LRP1B: variants seen among roughly 807,000 people sequenced by gnomAD.
LRP1B encodes the protein LDL receptor related protein 1B, also known as low-density lipoprotein receptor-related protein 1B.
A neutral mutation model predicts 556.6 loss-of-function variants in LRP1B; 217 were observed. That is an observed-to-expected ratio of 0.39 (90% CI 0.35 to 0.44). The LOEUF is 0.44. Among genes scored for constraint, LRP1B ranks in the 20% least tolerant of loss-of-function variants. LRP1B has a pLI of 1.00. For synonymous variants in LRP1B, 2,047 were observed against 1,865.8 expected (o/e 1.10, Z -2.50); for missense variants, 5,053 against 5,620.8 (o/e 0.90, Z 3.23).
intron 7 of LRP1B, among the ~76,000 whole-genome samples, chr2:141,171,586 T>C (rs1479761744): frequency 2.0e-5 from 3 of 152,070 alleles, no homozygotes; most frequent in Non-Finnish European, 4.4e-5. Flanking sequence ...GTCTTCTGGA[T>C]GAATGCTGGA....
At chr2:140,526,054 A>C in intron 48 of LRP1B, 61 bp from the exon 49 acceptor site, 6 of 1,551,004 alleles carry the variant, frequency 3.9e-6, no homozygotes, top group Non-Finnish European at 5.3e-6. Context: ...TGAGCCTTCT[A>C]TGTAGGTCAT....
intron 41 of LRP1B, among the ~76,000 whole-genome samples, chr2:140,684,402 A>G (rs1685974246): frequency 6.6e-6 from 1 of 152,222 alleles, no homozygotes; most frequent in Non-Finnish European, 1.5e-5. Context: ...AGGTACAACC[A>G]AGAGGCATTT....
intron 3 of LRP1B, among the ~76,000 whole-genome samples, chr2:141,421,400 G>A (rs1680135569): frequency 6.6e-6 from 1 of 150,716 alleles, no homozygotes; most frequent in Non-Finnish European, 1.5e-5. Context: ...GTAGTGGCGG[G>A]CGCCTGTAGT....
At chr2:141,247,472 C>CTT (rs1558958327) in intron 4 of LRP1B, 118 bp from the exon 5 acceptor site, 1 of 1,168,518 alleles carries the variant, frequency 8.6e-7, no homozygotes, top group Non-Finnish European at 1.2e-6. Flanking sequence ...AAGCCAATTC[C>CTT]AATAAGTCTT....
At chr2:140,482,878 C>G (rs1688298514) in intron 59 of LRP1B, among the ~76,000 whole-genome samples, 1 of 152,140 alleles carries the variant, frequency 6.6e-6, no homozygotes, top group Admixed American at 6.6e-5. Context: ...ATAATCAAAA[C>G]ATATGCAAGT....
chr2:140,886,857 G>A (rs1188429446), intron 23 of LRP1B, among the ~76,000 whole-genome samples: 1 of 152,040 alleles, frequency 6.6e-6, no homozygotes, highest in African/African-American at 2.4e-5. Flanking sequence ...TTCCTGCAGA[G>A]TCCAAAAAAA....
intron 2 of LRP1B, among the ~76,000 whole-genome samples, chr2:141,524,561 T>A (rs1004441291): frequency 6.6e-6 from 1 of 152,112 alleles, no homozygotes; most frequent in Non-Finnish European, 1.5e-5. Flanking sequence ...GTAAGTTTTT[T>A]TTTGTTTGTT....
intron 83 of LRP1B, among the ~76,000 whole-genome samples, chr2:140,310,847 T>C (rs1271542957): frequency 6.6e-6 from 1 of 151,638 alleles, no homozygotes; most frequent in Non-Finnish European, 1.5e-5. Flanking sequence ...AGGCAAAAAA[T>C]TTATAACTAA....
rs548794864 is a variant in LRP1B at position 141,269,037 on chromosome 2, C to T, written c.344-14396G>A. On this transcript the variant is annotated intron_variant, in intron 3 of 90. Coordinates refer to ENST00000389484, the MANE Select transcript of LRP1B (RefSeq NM_018557.3). ...CTCTAAGAAGAGTGAAGCACTGTCC[C>T]AGTCCCCAGCTCCAGAGCCATGATG... is the stretch of plus-strand genomic sequence containing the variant. 8.8e-4 allele frequency among the ~76,000 whole-genome samples: 134 copies of T among 152,282 alleles called. 1 individual carries two copies. The highest frequency in any genetic ancestry group is 3.1e-3 in the African/African-American group (128 of 41,552).
chr2:140,767,358 A>G (rs1213672531), intron 35 of LRP1B, among the ~76,000 whole-genome samples: 1 of 152,052 alleles, frequency 6.6e-6, no homozygotes, highest in Non-Finnish European at 1.5e-5. Context: ...CAAAGTTTTA[A>G]CTAAAACAGG....
At chr2:141,222,904 T>A (rs562217885) in intron 6 of LRP1B, among the ~76,000 whole-genome samples, 1 of 152,282 alleles carries the variant, frequency 6.6e-6, no homozygotes, top group African/African-American at 2.4e-5. Context: ...TAATGAGCCA[T>A]ATGTGACAAA....
intron 60 of LRP1B, among the ~76,000 whole-genome samples, chr2:140,467,966 A>G (rs1284726799): frequency 1.3e-5 from 2 of 152,190 alleles, no homozygotes; most frequent in African/African-American, 4.8e-5. Context: ...CATTTGAGAG[A>G]GAGAATATCA....
chr2:140,499,917 T>C (rs925357656), intron 55 of LRP1B, among the ~76,000 whole-genome samples: 1 of 151,936 alleles, frequency 6.6e-6, no homozygotes. Flanking sequence ...TTTAATTAGT[T>C]ACCTGCAATC....
chr2:141,243,443 C>A (rs1683955269), intron 5 of LRP1B, among the ~76,000 whole-genome samples: 1 of 152,068 alleles, frequency 6.6e-6, no homozygotes, highest in African/African-American at 2.4e-5. Context: ...GATCATGCTA[C>A]TGTACTCCAG....
At chr2:140,623,856 T>C (rs1683546045) in intron 41 of LRP1B, among the ~76,000 whole-genome samples, 3 of 150,676 alleles carry the variant, frequency 2.0e-5, no homozygotes, top group Admixed American at 6.7e-5. Flanking sequence ...GAGGCGGAGG[T>C]TGCAGTGAGT....
At chr2:141,304,474 CA>C (rs1261226878) in intron 3 of LRP1B, among the ~76,000 whole-genome samples, 1,077 of 105,788 alleles carry the variant, frequency 0.01, 10 homozygotes, top group East Asian at 0.045. Flanking sequence ...CAGTTTCATT[CA>C]TTTTTTTTTT....
At chr2:140,947,168 TA>T (rs1695571798) in intron 20 of LRP1B, among the ~76,000 whole-genome samples, 1 of 152,174 alleles carries the variant, frequency 6.6e-6, no homozygotes, top group Admixed American at 6.5e-5. Context: ...GAATCTATTA[TA>T]AAAATAAAAT....
chr2:141,714,016 T>A (rs1320741205), intron 2 of LRP1B, among the ~76,000 whole-genome samples: 1 of 152,214 alleles, frequency 6.6e-6, no homozygotes, highest in Non-Finnish European at 1.5e-5. Context: ...ATCAGCTGAG[T>A]GCTACAGTCT....
At chr2:141,190,424 G>A (rs1681457625) in intron 6 of LRP1B, among the ~76,000 whole-genome samples, 1 of 151,980 alleles carries the variant, frequency 6.6e-6, no homozygotes, top group African/African-American at 2.4e-5. Flanking sequence ...TATCTGTCTT[G>A]ACTTGAGTAT....
Sources: allele counts gnomAD v4.1 joint callset (sites outside exome capture counted in the v4.1 genomes callset), GRCh38; gene constraint gnomAD v4.1.1; transcripts MANE v1.5; gene names NCBI Gene and HGNC (gene_info 2026-07-23, HGNC 2026-07-21).